MYLK4: variants seen among roughly 807,000 people sequenced by gnomAD.
MYLK4 encodes myosin light chain kinase family member 4.
MYLK4 carries 46 observed loss-of-function variants against 48.1 expected under a neutral mutation model. That is an observed-to-expected ratio of 0.96 (90% confidence interval 0.75 to 1.22). MYLK4 has a LOEUF of 1.22. MYLK4 is among the 50% of genes most tolerant of loss of function. The pLI is 0.00. For synonymous variants in MYLK4, 170 were observed against 180.8 expected (o/e 0.94, Z 0.48); for missense variants, 451 against 486.1 (o/e 0.93, Z 0.68).
intron 10 of MYLK4, among the ~76,000 whole-genome samples, chr6:2,676,480 G>A (rs927908354): frequency 2.6e-5 from 4 of 152,148 alleles, no homozygotes; most frequent in East Asian, 1.9e-4. Context: ...CTCTAGTGTC[G>A]AACTTCTTAA....
chr6:2,716,834 A>G (rs977597783), intron 2 of MYLK4, among the ~76,000 whole-genome samples: 1 of 152,248 alleles, frequency 6.6e-6, no homozygotes, highest in African/African-American at 2.4e-5. Flanking sequence ...TATAAAATGA[A>G]TGAAAATATG....
chr6:2,731,018 T>G (rs1225714542), intron 2 of MYLK4, among the ~76,000 whole-genome samples: 1 of 152,100 alleles, frequency 6.6e-6, no homozygotes, highest in Non-Finnish European at 1.5e-5. Flanking sequence ...GACCTTTTCT[T>G]ACAGAAAAGC....
intron 2 of MYLK4, among the ~76,000 whole-genome samples, chr6:2,718,179 CAAAAAAAAAAA>C (rs10590230): frequency 7.5e-6 from 1 of 133,304 alleles, no homozygotes; most frequent in Admixed American, 7.4e-5. Flanking sequence ...AACTCTGTCT[CAAAAAAAAAAA>C]AAAAAAAAAA....
chr6:2,678,812 T>A (rs1369665295), intron 9 of MYLK4, among the ~76,000 whole-genome samples: 1 of 149,370 alleles, frequency 6.7e-6, no homozygotes, highest in Non-Finnish European at 1.5e-5. Context: ...CTGGAAGCAA[T>A]TCTCCTGCAG....
chr6:2,764,409 G>A, the MYLK4 span, among the ~76,000 whole-genome samples: 1 of 152,142 alleles, frequency 6.6e-6, no homozygotes, highest in African/African-American at 2.4e-5. Flanking sequence ...GAACGAGTGA[G>A]ACCCTCAATG....
At chr6:2,702,874 A>G (rs2113219638) in intron 2 of MYLK4, among the ~76,000 whole-genome samples, 1 of 152,300 alleles carries the variant, frequency 6.6e-6, no homozygotes, top group South Asian at 2.1e-4. Flanking sequence ...CTCCTAAGAT[A>G]TGCTTAAGCC....
chr6:2,747,576 A>C (rs1212493302), intron 2 of MYLK4, among the ~76,000 whole-genome samples: 2 of 152,030 alleles, frequency 1.3e-5, no homozygotes, highest in Non-Finnish European at 2.9e-5. Context: ...GCTGGTCTCA[A>C]ACTCCTGGCC....
At chr6:2,714,892 T>C (rs1232692559) in intron 2 of MYLK4, among the ~76,000 whole-genome samples, 2 of 152,212 alleles carry the variant, frequency 1.3e-5, no homozygotes. Context: ...CCATTTACAG[T>C]AGTCAAATTC....
chr6:2,732,559 A>G (rs1025814392), intron 2 of MYLK4, among the ~76,000 whole-genome samples: 1 of 152,108 alleles, frequency 6.6e-6, no homozygotes, highest in African/African-American at 2.4e-5. Flanking sequence ...ACAGCCACAG[A>G]GTCAGCCTGA....
the MYLK4 span, chr6:2,769,009 ATCTCCT>A: frequency 3.5e-6 from 3 of 866,560 alleles, no homozygotes; most frequent in Admixed American, 6.7e-5. Context: ...TTGTGAACCC[ATCTCCT>A]TCAAGCCTAT....
the MYLK4 span, among the ~76,000 whole-genome samples, chr6:2,766,993 T>C: frequency 6.6e-6 from 1 of 152,240 alleles, no homozygotes; most frequent in South Asian, 2.1e-4. Context: ...AATATATTGA[T>C]TTTACTAAAT....
rs1025867376 is a variant in MYLK4 at position 2,698,607 on chromosome 6, T to A, written c.160-5748A>T. Among the ~76,000 whole-genome samples the A allele has an allele frequency of 3.5e-4, 54 of 152,188 alleles. 1 individual carries two copies. Among genetic ancestry groups the A allele is most frequent in the African/African-American group, 1.2e-3 (49 of 41,448 alleles). ...TTCTAGAAATATCTAAACAAAAGTA[T>A]AACAATTTATAATGACTTTATTAAA... On this transcript the variant is annotated intron_variant, in intron 2 of 12. Coordinates refer to ENST00000274643, the MANE Select transcript of MYLK4 (RefSeq NM_001012418.5).
chr6:2,690,823 CTTTTTTTTTT>C lies in MYLK4; in HGVS notation c.236-1877_236-1868del, dbSNP rs35133716. ...AAAAGAAGCAATAATCTCTCTGAAT[CTTTTTTTTTT>C]TTTTTTTTTTTTTTGAGACCGAGTC... On this transcript the variant is annotated intron_variant, in intron 3 of 12. Coordinates refer to ENST00000274643, the MANE Select transcript of MYLK4 (RefSeq NM_001012418.5). Among the ~76,000 whole-genome samples, 519 of 88,868 alleles carry C rather than the reference CTTTTTTTTTT, an allele frequency of 5.8e-3. 3 individuals carry two copies. The highest frequency in any genetic ancestry group is 0.021 in the African/African-American group (447 of 21,386). 58.3% of individuals were successfully genotyped at this position (88,868 alleles called of 152,430 possible). A position where few individuals can be genotyped will look rare whatever the true frequency, so the allele number is the denominator to read the frequency against.
chr6:2,770,114 G>A, the MYLK4 span: 1 of 1,614,172 alleles, frequency 6.2e-7, no homozygotes, highest in Non-Finnish European at 8.5e-7. Context: ...TTCCTCCCAT[G>A]ATTAGGACAC....
intron 3 of MYLK4, among the ~76,000 whole-genome samples, chr6:2,691,589 C>T (rs560715994): frequency 6.6e-6 from 1 of 152,142 alleles, no homozygotes; most frequent in Non-Finnish European, 1.5e-5. Context: ...AGTAGGTAAG[C>T]TTTTTCAGAT....
rs573517358 is a variant in MYLK4 at position 2,744,398 on chromosome 6, C to A, written c.159+4738G>T. Among the ~76,000 whole-genome samples, 3 of 152,342 alleles carry A rather than the reference C, an allele frequency of 2.0e-5. No homozygotes were observed. In the South Asian group the frequency reaches 6.2e-4, roughly 32 times the overall value. On this transcript the variant is annotated intron_variant, in intron 2 of 12. Coordinates refer to ENST00000274643, the MANE Select transcript of MYLK4 (RefSeq NM_001012418.5). ...GCTGGCTGCCGAGGCTGGGCCACTG[C>A]CAGGGAGCTTTCTCCTGCCCTTACA...
chr6:2,680,680 C>A (rs1462887353), intron 7 of MYLK4: 1 of 654,754 alleles, frequency 1.5e-6, no homozygotes, highest in Non-Finnish European at 1.9e-6. Flanking sequence ...AAATATTTTT[C>A]CCAAGATTGA....
intron 2 of MYLK4, among the ~76,000 whole-genome samples, chr6:2,713,609 T>G (rs1048426364): frequency 3.9e-5 from 6 of 152,112 alleles, no homozygotes; most frequent in African/African-American, 1.2e-4. Context: ...CGCTCTCCCT[T>G]TACGTAACAG....
At chr6:2,721,447 G>A (rs1763064360) in intron 2 of MYLK4, among the ~76,000 whole-genome samples, 1 of 152,212 alleles carries the variant, frequency 6.6e-6, no homozygotes, top group Admixed American at 6.5e-5. Context: ...CCAGATTGTA[G>A]GGGATCCAAT....
Sources: allele counts gnomAD v4.1 joint callset (sites outside exome capture counted in the v4.1 genomes callset), GRCh38; gene constraint gnomAD v4.1.1; transcripts MANE v1.5; gene names NCBI Gene and HGNC (gene_info 2026-07-23, HGNC 2026-07-21).